ATP10B: variants seen among roughly 807,000 people sequenced by gnomAD.
ATP10B encodes phospholipid-transporting ATPase VB.
In ATP10B, 122 loss-of-function variants were observed where a neutral mutation model predicts 141.2. The ratio of observed to expected loss-of-function variants is 0.86; its 90% CI spans 0.75 to 1.00. The LOEUF (loss-of-function observed/expected upper bound fraction) is 1.00, where lower values mean the gene tolerates loss of function less well. Ranked by LOEUF, ATP10B falls within the 50% of genes least tolerant of loss-of-function variation. The pLI, the probability that ATP10B is intolerant of heterozygous loss-of-function variation, is 0.00. For missense variants in ATP10B, 1,876 were observed against 1,825.3 expected (o/e 1.03, Z -0.51); for synonymous variants, 685 against 692.0 (o/e 0.99, Z 0.16).
At chr5:160,650,691 T>G (rs1696114461) in intron 7 of ATP10B, among the ~76,000 whole-genome samples, 1 of 152,172 alleles carries the variant, frequency 6.6e-6, no homozygotes, top group African/African-American at 2.4e-5. Context: ...AGTTATAGAT[T>G]AAAAGAAGTT....
chr5:160,854,221 T>C (rs956286533), upstream of ATP10B, among the ~76,000 whole-genome samples: 4 of 152,134 alleles, frequency 2.6e-5, no homozygotes, highest in African/African-American at 9.7e-5. Context: ...GGGATACACA[T>C]GCAGAACATG....
At chr5:160,811,879 G>A (rs1349972900) in intron 1 of ATP10B, among the ~76,000 whole-genome samples, 2 of 152,126 alleles carry the variant, frequency 1.3e-5, no homozygotes, top group Non-Finnish European at 1.5e-5. Flanking sequence ...AGTTACACTA[G>A]GCTTGTGTGA....
intron 13 of ATP10B, among the ~76,000 whole-genome samples, chr5:160,623,292 A>C (rs1441184257): frequency 2.6e-5 from 4 of 152,170 alleles, no homozygotes; most frequent in Non-Finnish European, 4.4e-5. Flanking sequence ...CTGAACCACA[A>C]TAGCAGATTC....
At chr5:160,903,522 AC>A in the ATP10B span, among the ~76,000 whole-genome samples, 1 of 152,146 alleles carries the variant, frequency 6.6e-6, no homozygotes, top group East Asian at 1.9e-4. Context: ...ACTTGCAATA[AC>A]ACGAATCTGC....
At chr5:160,878,405 C>G in the ATP10B span, among the ~76,000 whole-genome samples, 87,762 of 149,016 alleles carry the variant, frequency 0.59, 27,782 homozygotes, top group East Asian at 0.85. Context: ...AAGACTTAAA[C>G]GTTAGACCTA....
chr5:160,629,027 C>A (rs994609111), intron 13 of ATP10B, among the ~76,000 whole-genome samples: 3 of 152,088 alleles, frequency 2.0e-5, no homozygotes, highest in African/African-American at 7.2e-5. Context: ...AAGCCAACAA[C>A]TGGCTTCTTT....
chr5:160,644,188 C>T lies in ATP10B; in HGVS notation c.818G>A (p.Gly273Asp). The T allele has an allele frequency of 6.2e-7, 1 of 1,613,700 alleles. No homozygotes were observed. Among genetic ancestry groups the T allele is most frequent in the South Asian group, 1.1e-5 (1 of 91,040 alleles). The change falls in exon 9 of 26, where the codon GGC (glycine) becomes GAC (aspartate). Residue 273 changes from glycine to aspartate, a missense_variant. Transcript: ENST00000327245. ...GFGCESLLLR[G>D]CTIRNTEMAV... The stretch of plus-strand genomic sequence containing the variant: ...CATCTCGGTGTTTCTGATGGTGCAG[C>T]CTCGAAGCAGAAGACTCTCACAGCC...
At chr5:160,581,328 CAG>C (rs1346541606) in intron 24 of ATP10B, among the ~76,000 whole-genome samples, 2 of 152,128 alleles carry the variant, frequency 1.3e-5, no homozygotes, top group African/African-American at 4.8e-5. Context: ...TAGCTGTGTC[CAG>C]AGATTCTGGT....
chr5:160,810,094 G>C (rs1773047095), intron 1 of ATP10B, among the ~76,000 whole-genome samples: 1 of 152,090 alleles, frequency 6.6e-6, no homozygotes, highest in Non-Finnish European at 1.5e-5. Flanking sequence ...TTTGCCAGGA[G>C]TAAGTTTGGT....
chr5:160,810,302 C>A (rs2127945797), intron 1 of ATP10B, among the ~76,000 whole-genome samples: 1 of 152,072 alleles, frequency 6.6e-6, no homozygotes, highest in African/African-American at 2.4e-5. Flanking sequence ...GTAGCATTTT[C>A]ATTTTTTGTG....
intron 3 of ATP10B, 42 bp downstream of exon 3, chr5:160,716,867 T>C (rs1329424546): frequency 2.3e-5 from 23 of 978,852 alleles, no homozygotes; most frequent in Non-Finnish European, 2.7e-5. Flanking sequence ...ATGTTCCACA[T>C]AGGAAAAGGA....
chr5:160,856,402 T>C (rs916991962), upstream of ATP10B, among the ~76,000 whole-genome samples: 1 of 151,872 alleles, frequency 6.6e-6, no homozygotes, highest in African/African-American at 2.4e-5. Flanking sequence ...TAGGAGTATA[T>C]TGTAGATTCC....
the ATP10B span, among the ~76,000 whole-genome samples, chr5:160,882,961 T>C: frequency 6.6e-6 from 1 of 151,722 alleles, no homozygotes; most frequent in Non-Finnish European, 1.5e-5. Context: ...AAAAATGAAA[T>C]ATAAAACTGA....
chr5:160,791,134 T>A (rs958954218), intron 1 of ATP10B, among the ~76,000 whole-genome samples: 6 of 152,082 alleles, frequency 3.9e-5, no homozygotes, highest in Admixed American at 6.6e-5. Context: ...GCAACCTAAG[T>A]AAGAAAGAAT....
chr5:160,741,990 A>G (rs55860241), intron 2 of ATP10B, among the ~76,000 whole-genome samples: 150 of 152,360 alleles, frequency 9.8e-4, no homozygotes, highest in Non-Finnish European at 1.8e-3. Flanking sequence ...AGGAAGAAAT[A>G]CAGCTATGGA....
intron 7 of ATP10B, among the ~76,000 whole-genome samples, chr5:160,655,348 C>T (rs975769605): frequency 9.9e-5 from 15 of 151,850 alleles, no homozygotes; most frequent in African/African-American, 3.6e-4. Flanking sequence ...GAAGGTTCCA[C>T]CCCCGCCAAT....
At chr5:160,849,975 G>A (rs1235852273) in intron 1 of ATP10B, among the ~76,000 whole-genome samples, 1 of 152,152 alleles carries the variant, frequency 6.6e-6, no homozygotes, top group Non-Finnish European at 1.5e-5. Context: ...GCCTGGCTAA[G>A]TTTTACTTTA....
At chr5:160,809,896 C>T (rs1467605511) in intron 1 of ATP10B, among the ~76,000 whole-genome samples, 1 of 152,138 alleles carries the variant, frequency 6.6e-6, no homozygotes, top group Admixed American at 6.5e-5. Flanking sequence ...TATTGGATAT[C>T]AGGCTTCTTG....
chr5:160,787,371 G>A (rs1370955313), intron 1 of ATP10B, among the ~76,000 whole-genome samples: 2 of 152,034 alleles, frequency 1.3e-5, no homozygotes, highest in Non-Finnish European at 2.9e-5. Flanking sequence ...CCACGTACCT[G>A]GCTGTGTTTT....
Sources: gnomAD v4.1 joint callset for allele counts (sites outside exome capture counted in the v4.1 genomes callset) on GRCh38, gnomAD v4.1.1 for gene constraint, MANE v1.5 for transcripts, NCBI Gene and HGNC (gene_info 2026-07-23, HGNC 2026-07-21) for gene names.